The following UGT1A3 variants were observed in gnomAD, a reference collection of about 807,000 sequenced individuals.
UGT1A3 encodes UDP-glucuronosyltransferase 1A3.
A neutral mutation model predicts 41.0 loss-of-function variants in UGT1A3; 31 were observed. That is an observed-to-expected ratio of 0.76 (90% CI 0.57 to 1.02). UGT1A3 has a LOEUF of 1.02. Among genes scored for constraint, UGT1A3 ranks in the 50% least tolerant of loss-of-function variants. The pLI, the probability that UGT1A3 is intolerant of heterozygous loss-of-function variation, is 0.00. For synonymous variants in UGT1A3, 262 were observed against 257.6 expected, an observed-to-expected ratio of 1.02 and a Z score of -0.17; for missense variants, 737 against 671.0, an observed-to-expected ratio of 1.10 and a Z score of -1.09.
At chr2:233,744,574 T>G (rs1165688532) in intron 1 of UGT1A3, among the ~76,000 whole-genome samples, 1 of 151,936 alleles carries the variant, frequency 6.6e-6, no homozygotes, top group Non-Finnish European at 1.5e-5. Context: ...AAGAGTGGCA[T>G]CGTTTTACAG....
intron 1 of UGT1A3, chr2:233,743,523 T>A (rs1440722806): frequency 7.3e-7 from 1 of 1,367,212 alleles, no homozygotes; most frequent in Non-Finnish European, 9.8e-7. Context: ...TGCTTCTGCT[T>A]CCCCAGCAGT....
At chr2:233,743,378 C>G (rs1480279341) in intron 1 of UGT1A3, 1 of 1,169,844 alleles carries the variant, frequency 8.5e-7, no homozygotes, top group Non-Finnish European at 1.2e-6. Flanking sequence ...CCATCACTAC[C>G]GTAGGACATG....
intron 1 of UGT1A3, chr2:233,741,585 C>T (rs370534544): frequency 1.3e-5 from 2 of 151,864 alleles, no homozygotes; most frequent in South Asian, 2.1e-4. Flanking sequence ...CCAGGCACCT[C>T]GGAGCATGTT....
chr2:233,768,088 A>G, intron 3 of UGT1A3, 132 bp from the exon 4 acceptor site: 2 of 1,591,352 alleles, frequency 1.3e-6, no homozygotes, highest in Non-Finnish European at 1.7e-6. Flanking sequence ...CTCAACCCAC[A>G]TTTTCTTCTG....
chr2:233,757,535 A>AATATATATACATATACATAT (rs376887521), intron 1 of UGT1A3, among the ~76,000 whole-genome samples: 89 of 88,230 alleles, frequency 1.0e-3, no homozygotes, highest in African/African-American at 2.6e-3. Context: ...GCCTGTAAGG[A>AATATATATACATATACATAT]ATATATATAT....
rs531565456 is a variant in UGT1A3 at position 233,748,436 on chromosome 2, T to C, written c.867+18443T>C. On this transcript the variant is annotated intron_variant, in intron 1 of 4. Coordinates refer to ENST00000482026, the MANE Select transcript of UGT1A3 (RefSeq NM_019093.4). ...AGACTTGACCCATCTGGATTTTTTG[T>C]TTGCACAATTTTCAGGGGAAAGATG... Among the ~76,000 whole-genome samples the C allele has an allele frequency of 2.0e-5, 3 of 151,942 alleles. No individual in the cohort carries two copies. In the East Asian group the frequency reaches 5.8e-4, roughly 29 times the overall value.
chr2:233,747,353 C>G, intron 1 of UGT1A3: 1 of 1,602,858 alleles, frequency 6.2e-7, no homozygotes, highest in Non-Finnish European at 8.5e-7. Flanking sequence ...TGCGGGAGGC[C>G]GTGCGGGAGC....
At chr2:233,747,673 T>G in intron 1 of UGT1A3, 1 of 1,605,188 alleles carries the variant, frequency 6.2e-7, no homozygotes, top group Non-Finnish European at 8.5e-7. Context: ...ATAGACCCAA[T>G]TTACCTCTGT....
chr2:233,745,543 AC>A (rs1237157104), intron 1 of UGT1A3, among the ~76,000 whole-genome samples: 1 of 151,766 alleles, frequency 6.6e-6, no homozygotes, highest in Non-Finnish European at 1.5e-5. Flanking sequence ...TGTCACCAGA[AC>A]AAACTTCTAA....
chr2:233,744,040 C>T (rs1692664957), intron 1 of UGT1A3: 2 of 766,390 alleles, frequency 2.6e-6, no homozygotes, highest in South Asian at 1.7e-5. Context: ...TATGACGCAG[C>T]CACATCTCAT....
rs766039492 is a variant in UGT1A3, at chr2:233,760,243, T to C, written c.868-6791T>C. The C allele has an allele frequency of 1.9e-6, 3 of 1,608,014 alleles. No homozygotes were observed. In the Admixed American group the frequency reaches 5.0e-5, roughly 27 times the overall value. ...TCGATTGGTTTTTGCCATATATATATATATAAGTAGGAGAGGGCGAACCTC... is the reference window on the plus strand; with the variant it reads ...TCGATTGGTTTTTGCCATATATATACATATAAGTAGGAGAGGGCGAACCTC... On this transcript the variant is annotated intron_variant, in intron 1 of 4. Coordinates refer to ENST00000482026, the MANE Select transcript of UGT1A3 (RefSeq NM_019093.4).
intron 1 of UGT1A3, among the ~76,000 whole-genome samples, chr2:233,749,893 C>G (rs141027223): frequency 8.5e-5 from 13 of 152,056 alleles, no homozygotes; most frequent in East Asian, 5.8e-4. Context: ...GAGGCTCCCC[C>G]CTCCAGCCAC....
intron 2 of UGT1A3, 126 bp from the exon 3 acceptor site, chr2:233,767,723 C>T: frequency 1.3e-6 from 2 of 1,549,102 alleles, no homozygotes; most frequent in Non-Finnish European, 1.7e-6. Context: ...TTCACAGTTA[C>T]TGATCCTCCC....
chr2:233,771,327 C>T (rs1000719908), intron 4 of UGT1A3: 1 of 152,118 alleles, frequency 6.6e-6, no homozygotes, highest in African/African-American at 2.4e-5. Context: ...TCTTCAATCT[C>T]CTCTTCATTC....
chr2:233,750,771 C>T (rs2125907104), intron 1 of UGT1A3: 1 of 151,994 alleles, frequency 6.6e-6, no homozygotes, highest in East Asian at 1.9e-4. Context: ...TGGTGTTGGG[C>T]CTGTGGGTAC....
chr2:233,745,744 G>A (rs1406161320), intron 1 of UGT1A3, among the ~76,000 whole-genome samples: 1 of 149,304 alleles, frequency 6.7e-6, no homozygotes, highest in Non-Finnish European at 1.5e-5. Context: ...GAGGGAGGGG[G>A]CAAGCAGAAG....
intron 1 of UGT1A3, chr2:233,743,248 A>G (rs1692247141): frequency 2.3e-6 from 1 of 432,126 alleles, no homozygotes; most frequent in Non-Finnish European, 4.4e-6. Flanking sequence ...ACTTTAACTC[A>G]ACTCTCCATC....
chr2:233,760,466 T>A (rs370892808), intron 1 of UGT1A3: 5 of 1,614,114 alleles, frequency 3.1e-6, no homozygotes, highest in Non-Finnish European at 4.2e-6. Context: ...ATAGTTGTCC[T>A]AGCACCTGAC....
At position 233,772,912 on chromosome 2, in the gene UGT1A3, CAAA is replaced by C. The variant is rs1449737327; in HGVS notation, c.*354_*356del. 1 of 388,968 alleles carries C rather than the reference CAAA, an allele frequency of 2.6e-6. No homozygotes were observed. Among genetic ancestry groups the C allele is most frequent in the Non-Finnish European group, 4.5e-6 (1 of 221,772 alleles). The allele number at this position is 388,968 out of a possible 1,614,324, so 24.1% of individuals were successfully genotyped here. On this transcript the variant is annotated 3_prime_UTR_variant, in exon 5 of 5. Transcript: ENST00000482026. ...GGTGGTCCCACGGCTGCCCCTACTG[CAAA>C]TGGCAGTTTTAATCTTATCTTTTGG...
Sources: allele counts gnomAD v4.1 joint callset (sites outside exome capture counted in the v4.1 genomes callset), GRCh38; gene constraint gnomAD v4.1.1; transcripts MANE v1.5; gene names NCBI Gene and HGNC (gene_info 2026-07-23, HGNC 2026-07-21).